KAZN: variants seen among roughly 807,000 people sequenced by gnomAD.
KAZN encodes kazrin.
Under a neutral mutation model 87.4 loss-of-function variants are expected in KAZN, and 40 were observed. The observed-to-expected ratio is 0.46, with a 90% CI of 0.36 to 0.60. The LOEUF (loss-of-function observed/expected upper bound fraction) is 0.60. Among genes scored for constraint, KAZN ranks in the 20% least tolerant of loss-of-function variants. The pLI is 0.00. For synonymous variants in KAZN, 466 were observed against 458.3 expected, an observed-to-expected ratio of 1.02 and a Z score of -0.22; for missense variants, 898 against 1,073.9, an observed-to-expected ratio of 0.84 and a Z score of 2.29.
intron 1 of KAZN, among the ~76,000 whole-genome samples, chr1:14,073,583 A>G (rs952808823): frequency 3.3e-5 from 5 of 151,494 alleles, no homozygotes; most frequent in African/African-American, 1.2e-4. Flanking sequence ...CTGGTGTGTG[A>G]TGTTCCCCTC....
intron 1 of KAZN, among the ~76,000 whole-genome samples, chr1:14,684,620 C>T (rs954263513): frequency 5.3e-5 from 8 of 152,182 alleles, no homozygotes; most frequent in South Asian, 4.1e-4. Flanking sequence ...GATGTTTCTT[C>T]GCTCTTTCTA....
intron 1 of KAZN, among the ~76,000 whole-genome samples, chr1:14,790,094 C>T (rs1028302631): frequency 1.3e-5 from 2 of 152,072 alleles, no homozygotes; most frequent in Non-Finnish European, 2.9e-5. Flanking sequence ...CCTCCGCCTC[C>T]CAGGTTCAAG....
chr1:14,195,178 A>G (rs1260226582), intron 2 of KAZN, among the ~76,000 whole-genome samples: 2 of 152,122 alleles, frequency 1.3e-5, no homozygotes, highest in African/African-American at 4.8e-5. Context: ...CCCTTCATTA[A>G]TGGAGTGTTT....
chr1:14,960,349 C>T (rs868631117), intron 1 of KAZN, among the ~76,000 whole-genome samples: 1 of 152,226 alleles, frequency 6.6e-6, no homozygotes, highest in Admixed American at 6.5e-5. Flanking sequence ...GCATATGAAA[C>T]TCAACTCAGC....
At chr1:14,454,449 G>A (rs936865398) in intron 2 of KAZN, among the ~76,000 whole-genome samples, 27 of 152,170 alleles carry the variant, frequency 1.8e-4, no homozygotes, top group Non-Finnish European at 3.4e-4. Context: ...GCAACTTGAG[G>A]ACAAAGATAT....
intron 2 of KAZN, among the ~76,000 whole-genome samples, chr1:14,360,954 G>A (rs1659452550): frequency 6.6e-6 from 1 of 152,222 alleles, no homozygotes; most frequent in Non-Finnish European, 1.5e-5. Context: ...TCCCTTAGCA[G>A]AGCTCAAGCA....
intron 1 of KAZN, among the ~76,000 whole-genome samples, chr1:14,910,942 C>T (rs1254827704): frequency 3.9e-5 from 6 of 152,228 alleles, no homozygotes; most frequent in African/African-American, 1.4e-4. Context: ...ATGTGGGCTA[C>T]TGGCTGCAAG....
At chr1:14,327,040 G>C (rs1656485433) in intron 2 of KAZN, among the ~76,000 whole-genome samples, 1 of 152,176 alleles carries the variant, frequency 6.6e-6, no homozygotes, top group Admixed American at 6.5e-5. Context: ...AATATCCCCA[G>C]TTCCTAGAAC....
chr1:14,778,783 T>C (rs1645250723), intron 1 of KAZN, among the ~76,000 whole-genome samples: 1 of 152,164 alleles, frequency 6.6e-6, no homozygotes, highest in Non-Finnish European at 1.5e-5. Context: ...AACAACCATT[T>C]TTATTTGCTC....
At chr1:14,544,732 T>C (rs1049921261) in intron 2 of KAZN, among the ~76,000 whole-genome samples, 2 of 149,666 alleles carry the variant, frequency 1.3e-5, no homozygotes, top group African/African-American at 5.0e-5. Flanking sequence ...CCTTGGCTTC[T>C]TTATTTAAAA....
intron 2 of KAZN, among the ~76,000 whole-genome samples, chr1:14,234,073 C>A (rs12754152): frequency 0.29 from 44,648 of 151,992 alleles, 6,701 homozygotes; most frequent in East Asian, 0.47. Flanking sequence ...GATTATGAAT[C>A]ATTCTACTAT....
chr1:14,708,963 T>C (rs563761113), intron 1 of KAZN, among the ~76,000 whole-genome samples: 1 of 152,304 alleles, frequency 6.6e-6, no homozygotes, highest in Non-Finnish European at 1.5e-5. Context: ...TTTCCTCCTT[T>C]CCTCAGAGTC....
chr1:14,760,768 A>C (rs1266829767), intron 1 of KAZN, among the ~76,000 whole-genome samples: 1 of 152,232 alleles, frequency 6.6e-6, no homozygotes, highest in Admixed American at 6.5e-5. Flanking sequence ...AGCCTGGACA[A>C]CATAGCAAGA....
chr1:14,344,145 C>T lies in KAZN; in HGVS notation c.249+163553C>T, dbSNP rs572083395. Among the ~76,000 whole-genome samples, 21 of 147,318 alleles carry T rather than the reference C, an allele frequency of 1.4e-4. 1 individual carries two copies. The highest frequency in any genetic ancestry group is 5.3e-4 in the African/African-American group (21 of 39,428). On this transcript the variant is annotated intron_variant, in intron 2 of 16. Coordinates refer to the KAZN transcript ENST00000636203. The stretch of plus-strand genomic sequence containing the variant: ...CAACCTCCAGAGAAGTATTGATTCA[C>T]TTATCCATTCATGTATTCTTTTTTT...
At chr1:14,487,472 C>G (rs1389124367) in intron 2 of KAZN, among the ~76,000 whole-genome samples, 2 of 152,176 alleles carry the variant, frequency 1.3e-5, no homozygotes, top group African/African-American at 2.4e-5. Flanking sequence ...AATGTCACAG[C>G]CTGGTGTCCA....
intron 2 of KAZN, among the ~76,000 whole-genome samples, chr1:14,422,798 C>T (rs1281800524): frequency 6.6e-6 from 1 of 152,214 alleles, no homozygotes; most frequent in African/African-American, 2.4e-5. Flanking sequence ...TGTGAACATT[C>T]TTAGACCATT....
At position 13,894,262 on chromosome 1, in the gene KAZN, G is replaced by T. The variant is rs142328178; in HGVS notation, c.91+506G>T. The stretch of plus-strand genomic sequence containing the variant: ...GCCTCTCCCAGGCTTTGACTTGGTT[G>T]TGGGGATTCCTCATTAGTCTGTGCT... On this transcript the variant is annotated intron_variant, in intron 1 of 16. Coordinates refer to the KAZN transcript ENST00000636203. Among the ~76,000 whole-genome samples, 251 of 152,328 alleles carry T rather than the reference G, an allele frequency of 1.6e-3. 3 individuals carry two copies. The highest frequency in any genetic ancestry group is 7.5e-3 in the South Asian group (36 of 4,830).
intron 2 of KAZN, among the ~76,000 whole-genome samples, chr1:14,514,908 C>T (rs926780442): frequency 6.6e-6 from 1 of 152,086 alleles, no homozygotes; most frequent in African/African-American, 2.4e-5. Context: ...AAAGACCTAG[C>T]AAAGTCCGTG....
chr1:14,319,260 C>T (rs1377594943), intron 2 of KAZN, among the ~76,000 whole-genome samples: 4 of 151,808 alleles, frequency 2.6e-5, no homozygotes, highest in African/African-American at 4.8e-5. Context: ...AAGCCTTTAC[C>T]CTACTAAAAT....
Sources: gnomAD v4.1 joint callset for allele counts (sites outside exome capture counted in the v4.1 genomes callset) on GRCh38, gnomAD v4.1.1 for gene constraint, MANE v1.5 for transcripts, NCBI Gene and HGNC (gene_info 2026-07-23, HGNC 2026-07-21) for gene names.